CD79B: variants seen among roughly 807,000 people sequenced by gnomAD.
CD79B encodes CD79b molecule, also known as B-cell antigen receptor complex-associated protein beta chain.
Under a neutral mutation model 30.0 loss-of-function variants are expected in CD79B, and 7 were observed. The observed-to-expected ratio is 0.23, with a 90% CI of 0.13 to 0.44. The LOEUF is 0.44. Ranked by LOEUF, CD79B falls within the 20% of genes least tolerant of loss-of-function variation. The pLI is 1.00. For synonymous variants in CD79B, 118 were observed against 119.2 expected, an observed-to-expected ratio of 0.99 and a Z score of 0.07; for missense variants, 218 against 299.1, an observed-to-expected ratio of 0.73 and a Z score of 2.00.
chr17:63,929,083 TG>T lies in CD79B; in HGVS notation c.*142del, dbSNP rs1051862267. 1.2e-5 allele frequency: 8 copies of T among 691,104 alleles called. No homozygotes were observed. Among genetic ancestry groups the T allele is most frequent in the African/African-American group, 1.1e-4 (6 of 57,058 alleles). 42.8% of individuals were successfully genotyped at this position (691,104 alleles called of 1,614,324 possible). On this transcript the variant is annotated 3_prime_UTR_variant, in exon 6 of 6. Coordinates refer to ENST00000006750, the MANE Select transcript of CD79B (RefSeq NM_000626.4). ...TTGGCAAGAGCTGGGGACCAGGGGC[TG>T]GAGACAAATGGCAGCTCTGGTGGGC... is the stretch of plus-strand genomic sequence containing the variant.
In CD79B at chr17:63,931,977, C is replaced by T. The variant is rs1023904733; in HGVS notation, c.67+218G>A. Reference sequence around the variant, plus strand: ...TCCTCATGCCCAGCTCAGCCTGATGCTCTCCAGGCAGGAGAGGAACTGGGG... The same window carrying T: ...TCCTCATGCCCAGCTCAGCCTGATGTTCTCCAGGCAGGAGAGGAACTGGGG... On this transcript the variant is annotated intron_variant, in intron 1 of 5. Coordinates refer to ENST00000006750, the MANE Select transcript of CD79B (RefSeq NM_000626.4). The T allele has an allele frequency of 1.3e-5, 8 of 636,640 alleles. No homozygotes were observed. In the African/African-American group the frequency reaches 1.4e-4, roughly 11 times the overall value. 39.4% of individuals were successfully genotyped at this position (636,640 alleles called of 1,614,324 possible).
chr17:63,932,324 G>C lies in CD79B; in HGVS notation c.-63C>G, dbSNP rs889335024. 1 of 1,455,916 alleles carries C rather than the reference G, an allele frequency of 6.9e-7. No individual in the cohort carries two copies. The highest frequency in any genetic ancestry group is 2.3e-5 in the East Asian group (1 of 43,960). The allele number at this position is 1,455,916 out of a possible 1,614,324, so 90.2% of individuals were successfully genotyped here. On this transcript the variant is annotated 5_prime_UTR_variant, in exon 1 of 6. Coordinates refer to ENST00000006750, the MANE Select transcript of CD79B (RefSeq NM_000626.4). ...CGTCCGAGGCTCCTTGGAGGAAAAC[G>C]TGTAACTGCACCGGCTGCAGCCTGT...
chr17:63,931,395 G>A lies in CD79B; in HGVS notation c.68-10C>T. The A allele has an allele frequency of 2.5e-6, 4 of 1,613,920 alleles. No homozygotes were observed. Among genetic ancestry groups the A allele is most frequent in the Non-Finnish European group, 3.4e-6 (4 of 1,179,916 alleles). ...GCTGGTACTGGCTCAGCTGCTGGGT[G>A]GGAGGAAGTGGGCGGGGCCAGTCAG... On this transcript the variant is annotated splice_polypyrimidine_tract_variant and intron_variant, in intron 1 of 5. Coordinates refer to ENST00000006750, the MANE Select transcript of CD79B (RefSeq NM_000626.4).
intron 4 of CD79B, 22 bp downstream of exon 4, chr17:63,929,748 G>T (rs200020792): frequency 2.6e-6 from 4 of 1,555,442 alleles, no homozygotes; most frequent in African/African-American, 1.4e-5. Context: ...GTCCCCCAAG[G>T]CTTCCCCCGT....
intron 4 of CD79B, 38 bp from the exon 5 acceptor site, chr17:63,929,513 T>G: frequency 6.2e-7 from 1 of 1,611,204 alleles, no homozygotes; most frequent in Non-Finnish European, 8.5e-7. Flanking sequence ...AGTGTTAGTG[T>G]CCCCCAGCCC....
In CD79B at chr17:63,929,137, A is replaced by G. The variant is rs1051684; in HGVS notation, c.*89T>C. On this transcript the variant is annotated 3_prime_UTR_variant, in exon 6 of 6. Transcript: ENST00000006750. ...GCTTCAGAGGCCAGCTGGGGGGTCC[A>G]GGAAAGGGGTTGGGCCATGAGCCAG... The G allele has an allele frequency of 0.62, 556,222 of 897,194 alleles. 175,341 individuals carry two copies. Among genetic ancestry groups the G allele is most frequent in the Middle Eastern group, 0.69 (2,301 of 3,348 alleles). The allele number at this position is 897,194 out of a possible 1,614,324, so 55.6% of individuals were successfully genotyped here.
At chr17:63,929,931 AC>A (rs1486828782) in intron 3 of CD79B, 43 bp from the exon 4 acceptor site, 11 of 1,558,032 alleles carry the variant, frequency 7.1e-6, no homozygotes, top group Admixed American at 3.3e-5. Context: ...GCCACAGTCC[AC>A]CTTTTAGGCC....
rs1244599169 is a variant in CD79B at position 63,929,866 on chromosome 17, C to T, written c.453G>A (p.Leu151=). Residue 151 remains leucine, a synonymous_variant, in exon 4 of 6, where the codon CTG becomes CTA. Coordinates refer to ENST00000006750, the MANE Select transcript of CD79B (RefSeq NM_000626.4). The part of the protein sequence containing the change: ...RVMGFSTLAQ[L]KQRNTLKDGI... Reference sequence around the variant, plus strand: ...CATCCTTCAGCGTGTTCCTCTGCTTCAGCTGTGCCAAGGTGCTGAATCCTG... The same window carrying T: ...CATCCTTCAGCGTGTTCCTCTGCTTTAGCTGTGCCAAGGTGCTGAATCCTG... The T allele has an allele frequency of 3.1e-6, 5 of 1,613,432 alleles. No individual in the cohort carries two copies. Among genetic ancestry groups the T allele is most frequent in the Non-Finnish European group, 4.2e-6 (5 of 1,179,652 alleles).
chr17:63,932,324 G>T lies in CD79B; in HGVS notation c.-63C>A. On this transcript the variant is annotated 5_prime_UTR_variant, in exon 1 of 6. Coordinates refer to ENST00000006750, the MANE Select transcript of CD79B (RefSeq NM_000626.4). The stretch of plus-strand genomic sequence containing the variant: ...CGTCCGAGGCTCCTTGGAGGAAAAC[G>T]TGTAACTGCACCGGCTGCAGCCTGT... 1 of 1,456,034 alleles carries T rather than the reference G, an allele frequency of 6.9e-7. No homozygotes were observed. The allele number at this position is 1,456,034 out of a possible 1,614,324, so 90.2% of individuals were successfully genotyped here.
Position 63,930,112 on chromosome 17 carries a change from T to A in CD79B, c.392A>T (p.Glu131Val). The A allele has an allele frequency of 5.0e-6, 8 of 1,614,090 alleles. No individual in the cohort carries two copies. The highest frequency in any genetic ancestry group is 6.8e-6 in the Non-Finnish European group (8 of 1,179,992). ...CTCTGTGCCGCAGCCCTGGTAGACC[T>A]CCGAGGTGTTGTTGCACTTCTGCTG... ...FCQQKCNNTS[E>V]VYQGCGTELR... is the part of the protein sequence containing the mutation. Residue 131 changes from glutamate to valine, a missense_variant, in exon 3 of 6, where the codon GAG becomes GTG. Physicochemically the swap from Glu to Val is moderately radical, Grantham distance 121. Coordinates refer to ENST00000006750, the MANE Select transcript of CD79B (RefSeq NM_000626.4).
intron 5 of CD79B, 25 bp downstream of exon 5, chr17:63,929,409 C>A: frequency 6.2e-7 from 1 of 1,613,778 alleles, no homozygotes; most frequent in South Asian, 1.1e-5. Context: ...GGACTCAGAG[C>A]TGCTGGGCCT....
Position 63,928,896 on chromosome 17 carries a change from C to T in CD79B, c.*330G>A. 1 of 456,322 alleles carries T rather than the reference C, an allele frequency of 2.2e-6. No individual in the cohort carries two copies. Among genetic ancestry groups the T allele is most frequent in the Non-Finnish European group, 4.1e-6 (1 of 245,768 alleles). 28.3% of individuals were successfully genotyped at this position (456,322 alleles called of 1,614,324 possible). On this transcript the variant is annotated 3_prime_UTR_variant, in exon 6 of 6. Coordinates refer to ENST00000006750, the MANE Select transcript of CD79B (RefSeq NM_000626.4). ...CCTTCCCAAGCTCTGCTGGGAGGCC[C>T]TCGGCTCCGAGTCCATTTGCGGGCT...
At chr17:63,931,951 C>T (rs1908157746) in intron 1 of CD79B, 2 of 587,008 alleles carry the variant, frequency 3.4e-6, no homozygotes, top group Admixed American at 2.6e-5. Context: ...CTCTGGTTTG[C>T]TCCTCATGCC....
chr17:63,931,219 T>C, intron 2 of CD79B, 116 bp downstream of exon 2: 4 of 986,554 alleles, frequency 4.1e-6, no homozygotes, highest in Non-Finnish European at 6.5e-6. Context: ...GAATCCTGGA[T>C]GGGGAGATCA....
At chr17:63,930,879 C>T (rs949387077) in intron 2 of CD79B, 1 of 299,322 alleles carries the variant, frequency 3.3e-6, no homozygotes. Flanking sequence ...CTCTATCATC[C>T]CCCTCTTCCC....
rs1335363614 is a variant in CD79B, at chr17:63,932,192, T to C, written c.67+3A>G. 2 of 1,613,010 alleles carry C rather than the reference T, an allele frequency of 1.2e-6. No individual in the cohort carries two copies. Among genetic ancestry groups the C allele is most frequent in the East Asian group, 2.2e-5 (1 of 44,872 alleles). On this transcript the variant is annotated splice_donor_region_variant and intron_variant, in intron 1 of 5. Coordinates refer to ENST00000006750, the MANE Select transcript of CD79B (RefSeq NM_000626.4). ...CCCACAGGCCTCGTCGTGGGTTCTG[T>C]ACCTGAGAGCAGCAGCAGCAACGCC...
intron 4 of CD79B, 79 bp from the exon 5 acceptor site, chr17:63,929,554 C>T: frequency 6.7e-7 from 1 of 1,502,968 alleles, no homozygotes; most frequent in Non-Finnish European, 9.3e-7. Context: ...TGGGGAGGGC[C>T]AGGGAGAGGG....
chr17:63,929,356 C>A, intron 5 of CD79B, 32 bp from the exon 6 acceptor site: 2 of 1,610,472 alleles, frequency 1.2e-6, no homozygotes, highest in Non-Finnish European at 1.7e-6. Context: ...CAGGCCGGGA[C>A]CACACCCCAA....
chr17:63,931,224 A>G, intron 2 of CD79B, 111 bp downstream of exon 2: 7 of 1,029,200 alleles, frequency 6.8e-6, no homozygotes, highest in Non-Finnish European at 1.1e-5. Flanking sequence ...CTGGATGGGG[A>G]GATCAGGCAA....
Sources: allele counts gnomAD v4.1 joint callset, GRCh38; gene constraint gnomAD v4.1.1; transcripts MANE v1.5; gene names NCBI Gene and HGNC (gene_info 2026-07-23, HGNC 2026-07-21).